Variants in MGA observed in about 807,000 individuals in gnomAD.
MGA encodes the protein MAX gene-associated protein.
A neutral mutation model predicts 261.1 loss-of-function variants in MGA; 40 were observed. That is an observed-to-expected ratio of 0.15 (90% CI 0.12 to 0.20). The LOEUF is 0.20. Ranked by LOEUF, MGA falls within the 10% of genes least tolerant of loss-of-function variation. MGA has a pLI of 1.00. For synonymous variants in MGA, 1,302 were observed against 1,290.6 expected (o/e 1.01, Z -0.19); for missense variants, 3,397 against 3,630.5 (o/e 0.94, Z 1.65).
Position 41,762,342 on chromosome 15 carries a change from G to GA in MGA, c.7731dup (p.Asp2578ArgfsTer45). On this transcript the variant is annotated frameshift_variant, in exon 22 of 24. Transcript: ENST00000219905. LOFTEE classifies it high-confidence loss of function. The stretch of plus-strand genomic sequence containing the variant: ...AGGGGGAAACCTTTGATTCTTTCCA[G>GA]AAAAAAAGACCAGGCCACAGGTAGG... 1 of 1,610,770 alleles carries GA rather than the reference G, an allele frequency of 6.2e-7. No homozygotes were observed. Among genetic ancestry groups the GA allele is most frequent in the Non-Finnish European group, 8.5e-7 (1 of 1,178,960 alleles).
At chr15:41,661,258 T>A (rs1449906762) in intron 1 of MGA, among the ~76,000 whole-genome samples, 1 of 152,106 alleles carries the variant, frequency 6.6e-6, no homozygotes, top group Non-Finnish European at 1.5e-5. Flanking sequence ...TAGTTCTGTT[T>A]ATGGGGTTTC....
At chr15:41,730,005 G>T (rs1211637149) in intron 11 of MGA, among the ~76,000 whole-genome samples, 1 of 151,986 alleles carries the variant, frequency 6.6e-6, no homozygotes, top group East Asian at 2.0e-4. Flanking sequence ...CAATTCTCCT[G>T]CCTCAGCCTC....
intron 2 of MGA, among the ~76,000 whole-genome samples, chr15:41,692,179 C>T (rs1431831961): frequency 6.6e-6 from 1 of 152,110 alleles, no homozygotes; most frequent in African/African-American, 2.4e-5. Context: ...TAGTAAATTT[C>T]AGCTCACCTC....
intron 7 of MGA, 34 bp downstream of exon 7, chr15:41,708,242 G>C (rs1418024707): frequency 2.2e-6 from 3 of 1,383,842 alleles, no homozygotes; most frequent in African/African-American, 1.5e-5. Flanking sequence ...TAAATGTTCT[G>C]AAACATGTAG....
At chr15:41,764,621 C>T (rs1020525616) in intron 22 of MGA, among the ~76,000 whole-genome samples, 2 of 152,014 alleles carry the variant, frequency 1.3e-5, no homozygotes, top group African/African-American at 4.8e-5. Context: ...GCAGCCTTGA[C>T]CTCCTGGGCT....
chr15:41,748,535 A>C, intron 15 of MGA, 102 bp from the exon 16 acceptor site: 1 of 1,343,578 alleles, frequency 7.4e-7, no homozygotes, highest in Non-Finnish European at 1.0e-6. Context: ...CAGCCTGAGC[A>C]ACAAAGCAAG....
intron 3 of MGA, among the ~76,000 whole-genome samples, chr15:41,697,418 CTTTTTTTT>C (rs1204938099): frequency 7.5e-6 from 1 of 132,834 alleles, no homozygotes; most frequent in Non-Finnish European, 1.6e-5. Flanking sequence ...TTTTTCTTTT[CTTTTTTTT>C]TTTTTTTTGA....
At chr15:41,634,501 A>T (rs187054320) in intron 1 of MGA, among the ~76,000 whole-genome samples, 6 of 152,196 alleles carry the variant, frequency 3.9e-5, no homozygotes, top group African/African-American at 1.4e-4. Flanking sequence ...GTGTATGTTT[A>T]TGTATGTGTG....
Position 41,702,036 on chromosome 15 carries a change from TG to T in MGA, c.2188+2880del, listed in dbSNP as rs1416349839. On this transcript the variant is annotated intron_variant, in intron 5 of 23. Coordinates refer to ENST00000219905, the MANE Select transcript of MGA (RefSeq NM_001164273.2). ...TTGGCTTCCTTTAAAAAGCCATACTTGGGCCAGGCTCGGTGGCTCAAGTCTG... is the reference window on the plus strand; with the variant it reads ...TTGGCTTCCTTTAAAAAGCCATACTTGGCCAGGCTCGGTGGCTCAAGTCTG... Among the ~76,000 whole-genome samples, 5 of 152,110 alleles carry T rather than the reference TG, an allele frequency of 3.3e-5. No individual in the cohort carries two copies. The East Asian group carries it at 5.8e-4, about 18-fold the overall frequency.
Position 41,732,912 on chromosome 15 carries a change from A to G in MGA, c.3844-1610A>G, listed in dbSNP as rs149475121. Among the ~76,000 whole-genome samples, 371 of 152,268 alleles carry G rather than the reference A, an allele frequency of 2.4e-3. 1 individual carries two copies. The highest frequency in any genetic ancestry group is 8.4e-3 in the African/African-American group (350 of 41,556). On this transcript the variant is annotated intron_variant, in intron 11 of 23. Transcript: ENST00000219905. The stretch of plus-strand genomic sequence containing the variant: ...TCCTAGGATTTTAAAAATTGGAACC[A>G]AGGGCTGCTCTGTCTATGGAGTAGC...
intron 1 of MGA, among the ~76,000 whole-genome samples, chr15:41,663,407 C>T (rs939944405): frequency 5.9e-5 from 9 of 152,012 alleles, no homozygotes; most frequent in Non-Finnish European, 1.0e-4. Flanking sequence ...TTTAGTTTCC[C>T]AGAGTATTTT....
rs2063036377 is a variant in MGA, at chr15:41,754,582, T to A, written c.7139+15T>A. ...TTCAAACAGCCGTAAGTCTTATTTCTCTTTGGATTGTTGTTTTTGTAGTTT... is the reference window on the plus strand; with the variant it reads ...TTCAAACAGCCGTAAGTCTTATTTCACTTTGGATTGTTGTTTTTGTAGTTT... On this transcript the variant is annotated intron_variant, in intron 18 of 23. Transcript: ENST00000219905. 2 of 1,546,752 alleles carry A rather than the reference T, an allele frequency of 1.3e-6. No individual in the cohort carries two copies. Among genetic ancestry groups the A allele is most frequent in the Non-Finnish European group, 8.7e-7 (1 of 1,147,064 alleles).
At chr15:41,718,477 C>A in intron 9 of MGA, 1 of 722,716 alleles carries the variant, frequency 1.4e-6, no homozygotes, top group Non-Finnish European at 2.5e-6. Flanking sequence ...ATTTGTGAGT[C>A]CACAGCTTTC....
chr15:41,661,594 T>C (rs2057405034), intron 1 of MGA, among the ~76,000 whole-genome samples: 1 of 152,034 alleles, frequency 6.6e-6, no homozygotes, highest in Non-Finnish European at 1.5e-5. Flanking sequence ...CAAAGTGCAC[T>C]CTTTTATTGG....
At chr15:41,708,300 C>T in intron 7 of MGA, 92 bp downstream of exon 7, 1 of 929,522 alleles carries the variant, frequency 1.1e-6, no homozygotes. Context: ...TTCTTCATTC[C>T]TTCTCGCCAT....
chr15:41,673,540 C>CTTTTTTT (rs777334913), intron 2 of MGA, among the ~76,000 whole-genome samples: 2 of 118,938 alleles, frequency 1.7e-5, no homozygotes, highest in Non-Finnish European at 3.4e-5. Flanking sequence ...TTCTTTCTTT[C>CTTTTTTT]TTTTTTTTTT....
chr15:41,736,124 G>A, intron 12 of MGA, 57 bp from the exon 13 acceptor site: 1 of 1,343,178 alleles, frequency 7.4e-7, no homozygotes, highest in Non-Finnish European at 9.8e-7. Context: ...CATACAAAAT[G>A]CTGTGATGCA....
In MGA at chr15:41,749,248, A is replaced by T. The variant is rs1366097931; in HGVS notation, c.5641A>T (p.Thr1881Ser). The T allele has an allele frequency of 1.9e-6, 3 of 1,613,734 alleles. No homozygotes were observed. The highest frequency in any genetic ancestry group is 2.5e-6 in the Non-Finnish European group (3 of 1,179,874). Reference sequence around the variant, plus strand: ...GTCTTCTTCAGCAGTGAATGTTATCACTCAGGCACCATCATTGCTTTCCTC... The same window carrying T: ...GTCTTCTTCAGCAGTGAATGTTATCTCTCAGGCACCATCATTGCTTTCCTC... Residue 1881 changes from threonine to serine, a missense_variant, in exon 17 of 24, where the codon ACT becomes TCT. Transcript: ENST00000219905.
In MGA at chr15:41,685,061, A is replaced by G. The variant is rs141257391; in HGVS notation, c.1065-11014A>G. ...AAAGAGAGAGCTGTTTTCACCAGTT[A>G]AGTGAAATGTTTGAAAGGGGGAAGT... On this transcript the variant is annotated intron_variant, in intron 2 of 23. Transcript: ENST00000219905. 1.6e-4 allele frequency among the ~76,000 whole-genome samples: 24 copies of G among 152,362 alleles called. No individual in the cohort carries two copies. In the East Asian group the frequency reaches 2.3e-3, roughly 15 times the overall value.
Sources: gnomAD v4.1 joint callset for allele counts (sites outside exome capture counted in the v4.1 genomes callset) on GRCh38, gnomAD v4.1.1 for gene constraint, MANE v1.5 for transcripts, NCBI Gene and HGNC (gene_info 2026-07-23, HGNC 2026-07-21) for gene names.